EPHA8: variants seen among roughly 807,000 people sequenced by gnomAD.
The protein encoded by EPHA8 is EPH receptor A8, also known as ephrin type-A receptor 8.
In EPHA8, 58 loss-of-function variants were observed where a neutral mutation model predicts 103.6. That is an observed-to-expected ratio of 0.56 (90% CI 0.45 to 0.70). The LOEUF is 0.70. Ranked by LOEUF, EPHA8 falls within the 30% of genes least tolerant of loss-of-function variation. The probability of loss-of-function intolerance (pLI) is 0.00; values close to 1 mark genes in which losing one functional copy is unlikely to be tolerated. For missense variants in EPHA8, 1,304 were observed against 1,395.2 expected, an observed-to-expected ratio of 0.93 and a Z score of 1.04; for synonymous variants, 559 against 572.5, an observed-to-expected ratio of 0.98 and a Z score of 0.34.
chr1:22,596,011 C>A, intron 8 of EPHA8, 95 bp from the exon 9 acceptor site: 1 of 1,120,110 alleles, frequency 8.9e-7, no homozygotes. Context: ...GGGGAAGGGG[C>A]ATGAAGAGAG....
At chr1:22,585,050 T>TGTGTGTGTGCGC (rs71020436) in intron 3 of EPHA8, among the ~76,000 whole-genome samples, 109 of 93,518 alleles carry the variant, frequency 1.2e-3, no homozygotes, top group African/African-American at 5.6e-3. Context: ...TGTGTGTGTG[T>TGTGTGTGTGCGC]GCGCACGCGT....
chr1:22,595,437 C>G (rs1641491737), intron 8 of EPHA8, 114 bp downstream of exon 8: 1 of 729,428 alleles, frequency 1.4e-6, no homozygotes. Context: ...GGCTCACTTA[C>G]AAACACACCA....
At chr1:22,593,180 G>C (rs1641418302) in intron 5 of EPHA8, 146 bp from the exon 6 acceptor site, 4 of 1,258,682 alleles carry the variant, frequency 3.2e-6, no homozygotes, top group Non-Finnish European at 4.3e-6. Context: ...GAACTGGAGG[G>C]TGCTGGCTGT....
In EPHA8 at chr1:22,598,850, C is replaced by T. The variant is rs1442302244; in HGVS notation, c.2191C>T (p.Gln731Ter). ...TGTCCCCCTGCAGACCCACGACGGG[C>T]AGTTCACCATCATGCAGCTGGTGGG... ...LDTFLRTHDGQFTIMQLVGML... is the reference protein window; with the variant it reads ...LDTFLRTHDG The change falls in exon 13 of 17, where the codon CAG (glutamine) becomes TAG (stop). Residue 731 changes from glutamine (Q) to a stop codon, truncating the protein, a stop_gained. Coordinates refer to ENST00000166244, the MANE Select transcript of EPHA8 (RefSeq NM_020526.5). LOFTEE classifies it high-confidence loss of function. The surrounding 1 kb of genome is among the most constrained non-coding windows in gnomAD (Gnocchi z 5.1). The T allele has an allele frequency of 1.2e-6, 2 of 1,612,258 alleles. No individual in the cohort carries two copies. Among genetic ancestry groups the T allele is most frequent in the South Asian group, 2.2e-5 (2 of 91,018 alleles).
chr1:22,570,329 C>T (rs1415774420), intron 2 of EPHA8, among the ~76,000 whole-genome samples: 7 of 119,142 alleles, frequency 5.9e-5, no homozygotes, highest in East Asian at 2.1e-4. Context: ...CATGCACACA[C>T]GCACATGCAC....
chr1:22,572,390 A>T (rs1640567304), intron 2 of EPHA8, among the ~76,000 whole-genome samples: 1 of 152,216 alleles, frequency 6.6e-6, no homozygotes, highest in Non-Finnish European at 1.5e-5. Flanking sequence ...TGAAAAGGCC[A>T]TTTTACCAAC....
chr1:22,571,048 G>A (rs1557551889), intron 2 of EPHA8, among the ~76,000 whole-genome samples: 1 of 152,208 alleles, frequency 6.6e-6, no homozygotes, highest in East Asian at 1.9e-4. Context: ...GCACGCCTGG[G>A]CCCTGGCTGG....
Position 22,569,333 on chromosome 1 carries a change from C to G in EPHA8, c.139C>G (p.Leu47Val). ...TSTIHGDWGW[L>V]TYPAHGWDSI... ...GACCATCCACGGGGACTGGGGCTGG[C>G]TCACGTATCCGGCTCATGGGGTGAG... The change falls in exon 2 of 17, where the codon CTC (leucine) becomes GTC (valine). Residue 47 changes from leucine to valine, a missense_variant. By Grantham distance (32) the Leu-to-Val change is conservative (BLOSUM62 1). Transcript: ENST00000166244. The surrounding 1 kb of genome is among the most constrained non-coding windows in gnomAD (Gnocchi z 4.5). 4 of 1,603,008 alleles carry G rather than the reference C, an allele frequency of 2.5e-6. No individual in the cohort carries two copies. In the South Asian group the frequency reaches 4.5e-5, roughly 18 times the overall value.
At chr1:22,588,776 G>A (rs933099343) in intron 4 of EPHA8, 95 bp from the exon 5 acceptor site, 3 of 1,498,488 alleles carry the variant, frequency 2.0e-6, no homozygotes, top group East Asian at 4.6e-5. Context: ...ATATGATGGG[G>A]AGCCCTTCCC....
chr1:22,566,176 C>A (rs539958170), intron 1 of EPHA8, among the ~76,000 whole-genome samples: 44 of 152,106 alleles, frequency 2.9e-4, no homozygotes, highest in African/African-American at 9.4e-4. Context: ...TGCAGAGACG[C>A]CCCCCGGACC....
rs147152756 is a variant in EPHA8 at position 22,586,501 on chromosome 1, A to G, written c.845A>G (p.Lys282Arg). 5.1e-5 allele frequency: 82 copies of G among 1,613,636 alleles called. No homozygotes were observed. The highest frequency in any genetic ancestry group is 6.5e-5 in the Non-Finnish European group (77 of 1,179,860). Reference protein sequence around the residue: ...ACVACELGFYKSAPGDQLCAR... With the variant: ...ACVACELGFYRSAPGDQLCAR... ...ACAGCCTGTGAGCTGGGCTTCTACA[A>G]GTCAGCCCCTGGGGACCAGCTGTGT... Residue 282 changes from lysine to arginine, a missense_variant, in exon 4 of 17, where the codon AAG becomes AGG. By Grantham distance (26) the Lys-to-Arg change is conservative. Coordinates refer to ENST00000166244, the MANE Select transcript of EPHA8 (RefSeq NM_020526.5).
intron 3 of EPHA8, among the ~76,000 whole-genome samples, chr1:22,584,596 T>C (rs985908532): frequency 2.6e-5 from 4 of 152,200 alleles, no homozygotes; most frequent in Non-Finnish European, 5.9e-5. Context: ...GATGTCTTTG[T>C]AATTGAAGGT....
intron 2 of EPHA8, among the ~76,000 whole-genome samples, chr1:22,572,401 G>T (rs894946052): frequency 6.6e-6 from 1 of 152,214 alleles, no homozygotes; most frequent in Admixed American, 6.5e-5. Flanking sequence ...TTTTACCAAC[G>T]AGAAACTGAA....
chr1:22,590,175 A>G (rs1641335879), intron 5 of EPHA8, among the ~76,000 whole-genome samples: 1 of 152,282 alleles, frequency 6.6e-6, no homozygotes, highest in East Asian at 1.9e-4. Context: ...CTGGCAACAC[A>G]GAGAGAGAGT....
rs928661660 is a variant in EPHA8 at position 22,580,544 on chromosome 1, A to G, written c.823+3664A>G. Among the ~76,000 whole-genome samples, 19 of 152,144 alleles carry G rather than the reference A, an allele frequency of 1.2e-4. No homozygotes were observed. In the South Asian group the frequency reaches 3.7e-3, roughly 30 times the overall value. On this transcript the variant is annotated intron_variant, in intron 3 of 16. Transcript: ENST00000166244. ...AAAGCACCTTCTGTGGCATTTGCCC[A>G]TTTCTGGATTTGTTCTGCCCTCTGC... is the stretch of plus-strand genomic sequence containing the variant.
At chr1:22,585,797 G>A (rs1641186302) in intron 3 of EPHA8, among the ~76,000 whole-genome samples, 1 of 152,160 alleles carries the variant, frequency 6.6e-6, no homozygotes. Context: ...GAGGGGAGAA[G>A]CCTGCGCTTC....
At position 22,601,356 on chromosome 1, in the gene EPHA8, G is replaced by A. The variant is rs1049095478; in HGVS notation, c.2786G>A (p.Gly929Asp). Residue 929 changes from glycine to aspartate, a missense_variant, in exon 16 of 17, where the codon GGC becomes GAC. By Grantham distance (94) the Gly-to-Asp change is moderately conservative. Coordinates refer to ENST00000166244, the MANE Select transcript of EPHA8 (RefSeq NM_020526.5). ...TTTGACCTCCGAGGGGGCAGCGGTG[G>A]CGGTGGGGGCCTCACCGTGGGGGAC... ...SCFDLRGGSG[G>D]GGGLTVGDWL... 2 of 1,608,772 alleles carry A rather than the reference G, an allele frequency of 1.2e-6. No homozygotes were observed. Among genetic ancestry groups the A allele is most frequent in the Non-Finnish European group, 1.7e-6 (2 of 1,178,774 alleles).
chr1:22,586,785 G>GGA, intron 4 of EPHA8, 150 bp downstream of exon 4: 1 of 936,538 alleles, frequency 1.1e-6, no homozygotes, highest in South Asian at 1.7e-5. Context: ...TGAGGTGGGG[G>GGA]GGGTGACTCT....
rs1420603322 is a variant in EPHA8, at chr1:22,600,753, C to T, written c.2481C>T (p.Val827=). The T allele has an allele frequency of 1.2e-6, 2 of 1,612,978 alleles. No individual in the cohort carries two copies. Among genetic ancestry groups the T allele is most frequent in the Admixed American group, 1.7e-5 (1 of 59,934 alleles). Residue 827 remains valine (V), a synonymous_variant, in exon 14 of 17, where the codon GTC becomes GTT. Coordinates refer to ENST00000166244, the MANE Select transcript of EPHA8 (RefSeq NM_020526.5). ...GCGACGTGTGGAGCTTCGGCGTGGT[C>T]ATGTGGGAGGTGCTGGCCTATGGGG... ...SASDVWSFGV[V]MWEVLAYGER... is the part of the protein sequence containing the mutation.
Sources: gnomAD v4.1 joint callset for allele counts (sites outside exome capture counted in the v4.1 genomes callset) on GRCh38, gnomAD v4.1.1 for gene constraint, Gnocchi (gnomAD v3.1) non-coding constraint, MANE v1.5 for transcripts, NCBI Gene and HGNC (gene_info 2026-07-23, HGNC 2026-07-21) for gene names.